The following PDE8A variants were observed in gnomAD, a reference collection of about 807,000 sequenced individuals.
PDE8A encodes high affinity cAMP-specific and IBMX-insensitive 3',5'-cyclic phosphodiesterase 8A.
Under a neutral mutation model 105.0 loss-of-function variants are expected in PDE8A, and 59 were observed. The ratio of observed to expected loss-of-function variants is 0.56; its 90% CI spans 0.46 to 0.70. PDE8A has a LOEUF of 0.70. Ranked by LOEUF, PDE8A falls within the 30% of genes least tolerant of loss-of-function variation. The pLI is 0.00. For missense variants in PDE8A, 1,014 were observed against 1,045.9 expected (o/e 0.97, Z 0.42); for synonymous variants, 355 against 371.9 (o/e 0.95, Z 0.52).
chr15:85,039,197 G>A (rs942823204), intron 1 of PDE8A, among the ~76,000 whole-genome samples: 12 of 151,928 alleles, frequency 7.9e-5, no homozygotes, highest in South Asian at 4.1e-4. Context: ...AGGCTGAGAC[G>A]GGAGGATCGC....
intron 1 of PDE8A, among the ~76,000 whole-genome samples, chr15:85,051,781 G>A (rs192318792): frequency 2.4e-3 from 360 of 152,158 alleles, no homozygotes; most frequent in Non-Finnish European, 4.7e-3. Flanking sequence ...TTGTGCAAAG[G>A]ACGTGATCGT....
At chr15:85,011,509 T>C (rs1318004560) in intron 1 of PDE8A, among the ~76,000 whole-genome samples, 1 of 152,186 alleles carries the variant, frequency 6.6e-6, no homozygotes, top group Non-Finnish European at 1.5e-5. Context: ...TCTGTCAATG[T>C]GTAAAAAATT....
At chr15:85,115,366 G>A in intron 14 of PDE8A, 73 bp from the exon 15 acceptor site, 1 of 966,020 alleles carries the variant, frequency 1.0e-6, no homozygotes, top group South Asian at 1.5e-5. Context: ...CCTGTGGGAG[G>A]ACCACCTGGA....
intron 11 of PDE8A, among the ~76,000 whole-genome samples, chr15:85,101,980 C>T (rs2081870318): frequency 6.6e-6 from 1 of 152,094 alleles, no homozygotes. Context: ...TGAGTGCTGG[C>T]TTCTGTGTTC....
chr15:85,135,082 T>C (rs1310331937), intron 20 of PDE8A, among the ~76,000 whole-genome samples: 1 of 152,114 alleles, frequency 6.6e-6, no homozygotes, highest in Non-Finnish European at 1.5e-5. Flanking sequence ...GGGAACGTTC[T>C]GGGCGAGGTG....
intron 20 of PDE8A, among the ~76,000 whole-genome samples, chr15:85,134,077 G>T (rs1168237688): frequency 6.6e-6 from 1 of 152,224 alleles, no homozygotes; most frequent in African/African-American, 2.4e-5. Flanking sequence ...GCCACAGTTT[G>T]CTGGTCTCCA....
At chr15:85,068,399 G>T (rs935220516) in intron 3 of PDE8A, among the ~76,000 whole-genome samples, 1 of 152,114 alleles carries the variant, frequency 6.6e-6, no homozygotes, top group South Asian at 2.1e-4. Flanking sequence ...ATTCATGGGG[G>T]ATTGCAGCCC....
chr15:85,104,792 A>C (rs2081922669), intron 11 of PDE8A, among the ~76,000 whole-genome samples: 1 of 152,196 alleles, frequency 6.6e-6, no homozygotes, highest in Non-Finnish European at 1.5e-5. Flanking sequence ...TGGGCCAACT[A>C]TTCTGAAGAG....
chr15:85,120,607 C>A (rs1182089881), intron 17 of PDE8A, 190 bp from the exon 18 acceptor site: 1 of 534,276 alleles, frequency 1.9e-6, no homozygotes, highest in African/African-American at 1.9e-5. Flanking sequence ...TTGTGTGAGA[C>A]TAACAAATAT....
At chr15:85,080,773 T>A (rs537869120) in intron 5 of PDE8A, among the ~76,000 whole-genome samples, 149 of 152,316 alleles carry the variant, frequency 9.8e-4, no homozygotes, top group Non-Finnish European at 1.7e-3. Context: ...ACACACACAC[T>A]CTTGCTGCCT....
chr15:85,066,485 A>T (rs1221511594), intron 2 of PDE8A, among the ~76,000 whole-genome samples: 3 of 151,816 alleles, frequency 2.0e-5, no homozygotes, highest in Non-Finnish European at 4.4e-5. Context: ...GAACACTGGA[A>T]CCCTGGAGGT....
chr15:85,132,172 A>T (rs764572057), intron 20 of PDE8A, among the ~76,000 whole-genome samples: 1 of 152,030 alleles, frequency 6.6e-6, no homozygotes, highest in Non-Finnish European at 1.5e-5. Flanking sequence ...GGGTCTCACT[A>T]TGTTGCCCAA....
chr15:85,018,148 C>G lies in PDE8A; in HGVS notation c.186+35800C>G, dbSNP rs570884527. On this transcript the variant is annotated intron_variant, in intron 1 of 21. Coordinates refer to ENST00000394553, the MANE Select transcript of PDE8A (RefSeq NM_002605.3). ...TAGGCTAACTACAGGACTTTTGCAG[C>G]TCTTCAGAGAAGTAGTTTGGATTTC... Among the ~76,000 whole-genome samples the G allele has an allele frequency of 1.3e-5, 2 of 152,258 alleles. 1 individual carries two copies. The highest frequency in any genetic ancestry group is 3.9e-4 in the East Asian group (2 of 5,188).
chr15:85,057,091 C>G (rs2081071474), intron 1 of PDE8A, among the ~76,000 whole-genome samples: 1 of 152,116 alleles, frequency 6.6e-6, no homozygotes, highest in African/African-American at 2.4e-5. Flanking sequence ...CACTCCAGAC[C>G]CTGTTTGCCT....
chr15:84,984,087 A>G (rs1438546986), intron 1 of PDE8A, among the ~76,000 whole-genome samples: 1 of 152,240 alleles, frequency 6.6e-6, no homozygotes, highest in Non-Finnish European at 1.5e-5. Flanking sequence ...TTCTTAAAAA[A>G]TTGTTAACTG....
chr15:85,087,401 A>G (rs1029581272), intron 6 of PDE8A, among the ~76,000 whole-genome samples: 2 of 152,114 alleles, frequency 1.3e-5, no homozygotes, highest in African/African-American at 2.4e-5. Context: ...GGGTTTTGCC[A>G]TGTTGCCCAG....
intron 1 of PDE8A, among the ~76,000 whole-genome samples, chr15:85,005,993 C>T (rs572021456): frequency 3.3e-5 from 5 of 152,010 alleles, no homozygotes; most frequent in Non-Finnish European, 4.4e-5. Flanking sequence ...TCACCAAATA[C>T]GAAAACAGTT....
At chr15:85,038,849 C>T (rs529538404) in intron 1 of PDE8A, among the ~76,000 whole-genome samples, 12 of 152,086 alleles carry the variant, frequency 7.9e-5, no homozygotes, top group African/African-American at 2.2e-4. Flanking sequence ...AGGCTGAGGC[C>T]GGTGGCTCAC....
At chr15:85,027,143 C>A (rs1287576253) in intron 1 of PDE8A, among the ~76,000 whole-genome samples, 1 of 152,132 alleles carries the variant, frequency 6.6e-6, no homozygotes, top group East Asian at 1.9e-4. Context: ...TCCAGGACTC[C>A]CTGAAGGCCT....
Sources: allele counts gnomAD v4.1 joint callset (sites outside exome capture counted in the v4.1 genomes callset), GRCh38; gene constraint gnomAD v4.1.1; transcripts MANE v1.5; gene names NCBI Gene and HGNC (gene_info 2026-07-23, HGNC 2026-07-21).